EDDM3A: variants seen among roughly 807,000 people sequenced by gnomAD.
EDDM3A encodes the protein epididymal secretory protein E3-alpha.
For synonymous variants in EDDM3A, 75 were observed against 60.4 expected, an observed-to-expected ratio of 1.24 and a Z score of -1.12; for missense variants, 199 against 177.4, an observed-to-expected ratio of 1.12 and a Z score of -0.69.
At chr14:20,746,711 G>T (rs1264931497) in intron 1 of EDDM3A, among the ~76,000 whole-genome samples, 1 of 152,150 alleles carries the variant, frequency 6.6e-6, no homozygotes, top group Admixed American at 6.5e-5. Flanking sequence ...CCAGACTTTG[G>T]GGAAAGTGTT....
At chr14:20,743,567 T>G (rs1173612118), upstream of EDDM3A, among the ~76,000 whole-genome samples, 3 of 151,956 alleles carry the variant, frequency 2.0e-5, no homozygotes, top group Non-Finnish European at 2.9e-5. Context: ...TAAAAGGACA[T>G]ATCAAGGAAT....
At chr14:20,742,947 C>T (rs1020058376), upstream of EDDM3A, among the ~76,000 whole-genome samples, 2 of 152,126 alleles carry the variant, frequency 1.3e-5, no homozygotes, top group East Asian at 1.9e-4. Context: ...GTTGCCCAGG[C>T]TGGTCTCAAA....
rs1364102996 is a variant in EDDM3A, at chr14:20,747,758, C to T, written c.178C>T (p.Leu60=). Residue 60 remains leucine, a synonymous_variant, in exon 2 of 2, where the codon CTG becomes TTG. Coordinates refer to ENST00000326842, the MANE Select transcript of EDDM3A (RefSeq NM_006683.5). ...CDVLMREKEA[L]KGKSFHMFIY... ...TGTCCTCATGAGAGAAAAAGAGGCTCTGAAAGGCAAGAGCTTTCATATGTT... is the reference window on the plus strand; with the variant it reads ...TGTCCTCATGAGAGAAAAAGAGGCTTTGAAAGGCAAGAGCTTTCATATGTT... The T allele has an allele frequency of 1.9e-6, 3 of 1,614,124 alleles. No homozygotes were observed. The highest frequency in any genetic ancestry group is 1.7e-6 in the Non-Finnish European group (2 of 1,180,024).
the EDDM3A span, among the ~76,000 whole-genome samples, chr14:20,737,754 A>G: frequency 6.6e-6 from 1 of 152,348 alleles, no homozygotes; most frequent in Middle Eastern, 3.4e-3. Context: ...GGAATGAATG[A>G]GAAAGGAAAT....
At position 20,747,688 on chromosome 14, in the gene EDDM3A, T is replaced by G. The variant is rs1406373855; in HGVS notation, c.108T>G (p.Leu36=). ...TTTACTGGAGAGAATTCATAAAACT[T>G]CATTACTTAAGTCCAAGTCGAGAAT... ...NNIYWREFIK[L]HYLSPSREFK... Residue 36 remains leucine, a synonymous_variant, in exon 2 of 2, where the codon CTT becomes CTG. Transcript: ENST00000326842. 20 of 1,614,172 alleles carry G rather than the reference T, an allele frequency of 1.2e-5. No individual in the cohort carries two copies. Among genetic ancestry groups the G allele is most frequent in the Non-Finnish European group, 1.6e-5 (19 of 1,180,024 alleles).
Position 20,747,584 on chromosome 14 carries a change from A to G in EDDM3A, c.4A>G (p.Thr2Ala). The G allele has an allele frequency of 6.3e-7, 1 of 1,597,690 alleles. No homozygotes were observed. Among genetic ancestry groups the G allele is most frequent in the East Asian group, 2.2e-5 (1 of 44,712 alleles). Residue 2 changes from threonine (T) to alanine (A), a missense_variant, in exon 2 of 2, where the codon ACA (threonine) becomes GCA (alanine). Coordinates refer to ENST00000326842, the MANE Select transcript of EDDM3A (RefSeq NM_006683.5). M[T>A]SSLKIWGILL... ...GCAGGTGGACGTGGTGACTGAGATG[A>G]CATCCTCTCTAAAGATTTGGGGCAT... is the stretch of plus-strand genomic sequence containing the variant.
chr14:20,747,149 G>A (rs1166959426), intron 1 of EDDM3A, among the ~76,000 whole-genome samples: 1 of 142,342 alleles, frequency 7.0e-6, no homozygotes, highest in South Asian at 2.2e-4. Flanking sequence ...TGTCACCCAG[G>A]CCGGAGTGCA....
the EDDM3A span, among the ~76,000 whole-genome samples, chr14:20,739,435 A>C: frequency 6.6e-6 from 1 of 152,098 alleles, no homozygotes; most frequent in African/African-American, 2.4e-5. Flanking sequence ...TCTTTTGTGG[A>C]CCTTATAGGT....
rs150093042 is a variant in EDDM3A at position 20,747,206 on chromosome 14, C to T, written c.-26-349C>T. Among the ~76,000 whole-genome samples the T allele has an allele frequency of 7.6e-3, 1,141 of 149,904 alleles. 9 individuals are homozygous for T. Among genetic ancestry groups the T allele is most frequent in the Admixed American group, 0.012 (178 of 14,874 alleles). On this transcript the variant is annotated intron_variant, in intron 1 of 1. Transcript: ENST00000326842. Reference sequence around the variant, plus strand: ...GCAACCTCCGCCTCCCAGGTTCAAGCGATTCTCCTGCCTCAGCCTCTCGAG... The same window carrying T: ...GCAACCTCCGCCTCCCAGGTTCAAGTGATTCTCCTGCCTCAGCCTCTCGAG...
Position 20,747,905 on chromosome 14 carries a change from A to C in EDDM3A, c.325A>C (p.Lys109Gln). 1.2e-6 allele frequency: 2 copies of C among 1,614,196 alleles called. No individual in the cohort carries two copies. Among genetic ancestry groups the C allele is most frequent in the Non-Finnish European group, 1.7e-6 (2 of 1,180,036 alleles). ...CAAAGTACTCGAGTGTCACTGGGAGAAGTACAACAATAGGTACACAGAGAG... is the reference window on the plus strand; with the variant it reads ...CAAAGTACTCGAGTGTCACTGGGAGCAGTACAACAATAGGTACACAGAGAG... ...ALKVLECHWEKYNNRYTESRS... is the reference protein window; with the variant it reads ...ALKVLECHWEQYNNRYTESRS... Residue 109 changes from lysine (K) to glutamine (Q), a missense_variant, in exon 2 of 2, where the codon AAG (lysine) becomes CAG (glutamine). Coordinates refer to ENST00000326842, the MANE Select transcript of EDDM3A (RefSeq NM_006683.5).
At chr14:20,743,011 A>G (rs1383871538), upstream of EDDM3A, among the ~76,000 whole-genome samples, 1 of 152,236 alleles carries the variant, frequency 6.6e-6, no homozygotes, top group East Asian at 1.9e-4. Flanking sequence ...TTGGGATTAC[A>G]GGTGTGAGCC....
Position 20,747,603 on chromosome 14 carries a change from G to T in EDDM3A, c.23G>T (p.Trp8Leu). 6.2e-7 allele frequency: 1 copy of T among 1,608,688 alleles called. No homozygotes were observed. ...GAGATGACATCCTCTCTAAAGATTT[G>T]GGGCATACTCTTGGCCCTGCTTTGC... MTSSLKI[W>L]GILLALLCIL... Residue 8 changes from tryptophan to leucine, a missense_variant, in exon 2 of 2, where the codon TGG (tryptophan) becomes TTG (leucine). Trp to Leu is a moderately conservative substitution (Grantham distance 61, BLOSUM62 -2). Coordinates refer to ENST00000326842, the MANE Select transcript of EDDM3A (RefSeq NM_006683.5).
the EDDM3A span, among the ~76,000 whole-genome samples, chr14:20,739,587 A>G: frequency 6.6e-6 from 1 of 152,178 alleles, no homozygotes; most frequent in East Asian, 1.9e-4. Flanking sequence ...AGTCCTGTCA[A>G]TTAGTATTTG....
Position 20,747,607 on chromosome 14 carries a change from C to A in EDDM3A, c.27C>A (p.Gly9=). The part of the protein sequence containing the change: MTSSLKIW[G]ILLALLCILC... ...TGACATCCTCTCTAAAGATTTGGGG[C>A]ATACTCTTGGCCCTGCTTTGCATCC... The change falls in exon 2 of 2, where the codon GGC becomes GGA. Residue 9 remains glycine (G), a synonymous_variant. Coordinates refer to ENST00000326842, the MANE Select transcript of EDDM3A (RefSeq NM_006683.5). 1 of 1,609,882 alleles carries A rather than the reference C, an allele frequency of 6.2e-7. No homozygotes were observed. The highest frequency in any genetic ancestry group is 1.1e-5 in the South Asian group (1 of 90,466).
chr14:20,745,419 A>G (rs142286128), upstream of EDDM3A, among the ~76,000 whole-genome samples: 2,450 of 151,808 alleles, frequency 0.016, 42 homozygotes, highest in Non-Finnish European at 0.023. Context: ...CCAGCTACTC[A>G]GGAGGTTGAG....
chr14:20,744,627 A>G (rs1206070821), upstream of EDDM3A, among the ~76,000 whole-genome samples: 2 of 152,220 alleles, frequency 1.3e-5, no homozygotes, highest in African/African-American at 2.4e-5. Flanking sequence ...TGGTCTTGTC[A>G]GTTTGAGCTG....
upstream of EDDM3A, among the ~76,000 whole-genome samples, chr14:20,741,524 C>T (rs1474826651): frequency 6.6e-6 from 1 of 152,152 alleles, no homozygotes; most frequent in African/African-American, 2.4e-5. Flanking sequence ...AGGAGCCCCA[C>T]ATAAGTTAGG....
upstream of EDDM3A, among the ~76,000 whole-genome samples, chr14:20,744,208 G>C (rs1878063863): frequency 6.6e-6 from 1 of 152,178 alleles, no homozygotes; most frequent in African/African-American, 2.4e-5. Context: ...GTCCCCCAAA[G>C]ACCTAGAGAG....
At chr14:20,738,503 A>AAATAAAT in the EDDM3A span, among the ~76,000 whole-genome samples, 4 of 147,316 alleles carry the variant, frequency 2.7e-5, no homozygotes, top group Non-Finnish European at 6.0e-5. Context: ...ATAAATAAAT[A>AAATAAAT]AATAAACAGT....
Sources: gnomAD v4.1 joint callset for allele counts (sites outside exome capture counted in the v4.1 genomes callset) on GRCh38, gnomAD v4.1.1 for gene constraint, MANE v1.5 for transcripts, NCBI Gene and HGNC (gene_info 2026-07-23, HGNC 2026-07-21) for gene names.